The following SYN3 variants were observed in gnomAD, a reference collection of about 807,000 sequenced individuals.
The protein encoded by SYN3 is synapsin-3.
In SYN3, 35 loss-of-function variants were observed where a neutral mutation model predicts 65.8. The ratio of observed to expected loss-of-function variants is 0.53; its 90% confidence interval spans 0.41 to 0.70. The LOEUF is 0.70. Among genes scored for constraint, SYN3 ranks in the 30% least tolerant of loss-of-function variants. The pLI is 0.00. For missense variants in SYN3, 680 were observed against 749.0 expected, an observed-to-expected ratio of 0.91 and a Z score of 1.08; for synonymous variants, 270 against 292.9, an observed-to-expected ratio of 0.92 and a Z score of 0.80.
intron 13 of SYN3, among the ~76,000 whole-genome samples, chr22:32,516,389 A>G (rs1266301514): frequency 1.4e-5 from 2 of 144,542 alleles, no homozygotes; most frequent in Non-Finnish European, 3.0e-5. Flanking sequence ...ATTGAGATGG[A>G]GTCTCACTTT....
rs182942855 is a variant in SYN3, at chr22:33,048,683, G to T, written c.-163+9609C>A. 2.6e-4 allele frequency among the ~76,000 whole-genome samples: 39 copies of T among 152,316 alleles called. No individual in the cohort carries two copies. The East Asian group carries it at 4.8e-3, about 19-fold the overall frequency. On this transcript the variant is annotated intron_variant, in intron 1 of 13. Coordinates refer to ENST00000358763, the MANE Select transcript of SYN3 (RefSeq NM_003490.4). ...GCTTCCTGAGGCCTCACCAGAAGCT[G>T]AGCAGATGCTGGTGCCATGCTTGTA...
chr22:32,653,077 C>T (rs1601847218), intron 6 of SYN3, among the ~76,000 whole-genome samples: 1 of 152,140 alleles, frequency 6.6e-6, no homozygotes, highest in Non-Finnish European at 1.5e-5. Context: ...CACATGTCTA[C>T]CATCTATACA....
At chr22:33,007,286 T>C (rs2145803236) in intron 1 of SYN3, among the ~76,000 whole-genome samples, 1 of 152,296 alleles carries the variant, frequency 6.6e-6, no homozygotes, top group Admixed American at 6.5e-5. Flanking sequence ...ACTACAAAGA[T>C]GTACAAGTTG....
At chr22:32,875,321 C>A (rs1172873292) in intron 4 of SYN3, among the ~76,000 whole-genome samples, 1 of 152,206 alleles carries the variant, frequency 6.6e-6, no homozygotes, top group African/African-American at 2.4e-5. Flanking sequence ...TAATAAAACA[C>A]AGACACGAGT....
At chr22:32,829,443 C>T (rs1467667501) in intron 6 of SYN3, among the ~76,000 whole-genome samples, 1 of 152,088 alleles carries the variant, frequency 6.6e-6, no homozygotes, top group Non-Finnish European at 1.5e-5. Context: ...CCCGGGCCTT[C>T]GGCATTTCAT....
rs143187360 is a variant in SYN3 at position 32,887,071 on chromosome 22, T to A, written c.462-17946A>T. On this transcript the variant is annotated intron_variant, in intron 4 of 13. Transcript: ENST00000358763. ...TCTCCCTTGCTTTGAAGTAACAAGC[T>A]GCCATGTTATAGAAAGACCCATGGA... is the stretch of plus-strand genomic sequence containing the variant. Among the ~76,000 whole-genome samples the A allele has an allele frequency of 2.7e-3, 410 of 152,284 alleles. 1 individual carries two copies. Among genetic ancestry groups the A allele is most frequent in the Non-Finnish European group, 4.2e-3 (286 of 68,024 alleles).
At chr22:32,550,879 C>A (rs2058404349) in intron 7 of SYN3, among the ~76,000 whole-genome samples, 1 of 152,020 alleles carries the variant, frequency 6.6e-6, no homozygotes, top group Admixed American at 6.6e-5. Context: ...GCTACCATGT[C>A]AAGAAGACAC....
chr22:33,034,447 G>A (rs1010199977), intron 1 of SYN3, among the ~76,000 whole-genome samples: 22 of 151,716 alleles, frequency 1.5e-4, no homozygotes, highest in African/African-American at 5.3e-4. Context: ...GGGGTTTCAC[G>A]ATGTTGGCCA....
chr22:32,966,330 AT>A (rs2051843199), intron 3 of SYN3, among the ~76,000 whole-genome samples: 1 of 152,178 alleles, frequency 6.6e-6, no homozygotes, highest in Admixed American at 6.5e-5. Context: ...AGAGACGTGC[AT>A]AAGCAAAGGC....
At position 32,834,289 on chromosome 22, in the gene SYN3, A is replaced by AT. The variant is rs1339883023; in HGVS notation, c.711+30625dup. ...TGCCTCAGCCTCCCAAGTAGTTGGG[A>AT]TTACAGGTGCCCTCCACCACATCTG... is the stretch of plus-strand genomic sequence containing the variant. On this transcript the variant is annotated intron_variant, in intron 6 of 13. Transcript: ENST00000358763. Among the ~76,000 whole-genome samples the AT allele has an allele frequency of 2.0e-5, 3 of 151,652 alleles. 1 individual carries two copies. Among genetic ancestry groups the AT allele is most frequent in the Non-Finnish European group, 4.4e-5 (3 of 67,940 alleles).
intron 2 of SYN3, among the ~76,000 whole-genome samples, chr22:32,997,247 G>C (rs2052907896): frequency 6.6e-6 from 1 of 152,194 alleles, no homozygotes; most frequent in African/African-American, 2.4e-5. Context: ...CTAAATTAGA[G>C]AATCTATGAA....
At chr22:32,874,056 C>A (rs753808224) in intron 4 of SYN3, among the ~76,000 whole-genome samples, 1 of 152,148 alleles carries the variant, frequency 6.6e-6, no homozygotes, top group Non-Finnish European at 1.5e-5. Context: ...ATTGCTTGAA[C>A]CAGGGAGGCA....
Position 32,509,450 on chromosome 22 carries a change from G to T in SYN3, c.*4242C>A, listed in dbSNP as rs1008793299. Among the ~76,000 whole-genome samples the T allele has an allele frequency of 4.6e-5, 7 of 152,272 alleles. 1 individual carries two copies. Among genetic ancestry groups the T allele is most frequent in the East Asian group, 3.9e-4 (2 of 5,176 alleles). ...ATGTCACAATTATTAAAGGTTACATGTTTGGAAGGAACAGGTACTAGTCTA... is the reference window on the plus strand; with the variant it reads ...ATGTCACAATTATTAAAGGTTACATTTTTGGAAGGAACAGGTACTAGTCTA... On this transcript the variant is annotated 3_prime_UTR_variant, in exon 14 of 14. Coordinates refer to ENST00000358763, the MANE Select transcript of SYN3 (RefSeq NM_003490.4).
At chr22:32,848,296 AC>A (rs1306760429) in intron 6 of SYN3, among the ~76,000 whole-genome samples, 1 of 152,186 alleles carries the variant, frequency 6.6e-6, no homozygotes, top group East Asian at 1.9e-4. Context: ...TTTCTGCCAG[AC>A]ATTGTAGTGG....
At chr22:32,844,209 G>T (rs184761640) in intron 6 of SYN3, among the ~76,000 whole-genome samples, 12 of 152,272 alleles carry the variant, frequency 7.9e-5, no homozygotes, top group African/African-American at 2.6e-4. Flanking sequence ...TTGGATGGGG[G>T]ATAGAAGCAG....
chr22:32,726,236 G>A (rs775915242), intron 6 of SYN3, among the ~76,000 whole-genome samples: 17 of 151,936 alleles, frequency 1.1e-4, no homozygotes, highest in African/African-American at 3.4e-4. Flanking sequence ...TCCGCTTCCC[G>A]GGTTCAAGAG....
intron 6 of SYN3, among the ~76,000 whole-genome samples, chr22:32,752,217 A>G (rs2045150609): frequency 6.6e-6 from 1 of 152,210 alleles, no homozygotes; most frequent in Non-Finnish European, 1.5e-5. Context: ...GCCATCCTTT[A>G]TTAAGCACCA....
At chr22:32,759,483 A>C (rs1187377816) in intron 6 of SYN3, among the ~76,000 whole-genome samples, 1 of 152,122 alleles carries the variant, frequency 6.6e-6, no homozygotes, top group African/African-American at 2.4e-5. Context: ...AGTGTTTTCA[A>C]ATCAGCCTGT....
chr22:32,935,023 C>G (rs1309351456), intron 3 of SYN3, among the ~76,000 whole-genome samples: 2 of 152,180 alleles, frequency 1.3e-5, no homozygotes, highest in African/African-American at 4.8e-5. Flanking sequence ...GTGTGCAGCT[C>G]TGCTGAAACC....
Sources: gnomAD v4.1 joint callset for allele counts (sites outside exome capture counted in the v4.1 genomes callset) on GRCh38, gnomAD v4.1.1 for gene constraint, MANE v1.5 for transcripts, NCBI Gene and HGNC (gene_info 2026-07-23, HGNC 2026-07-21) for gene names.